The following NFYC variants were observed in gnomAD, a reference collection of about 807,000 sequenced individuals.
The protein encoded by NFYC is nuclear transcription factor Y subunit gamma, also known as CAAT box DNA-binding protein subunit C.
A neutral mutation model predicts 53.1 loss-of-function variants in NFYC; 25 were observed. The ratio of observed to expected loss-of-function variants is 0.47; its 90% confidence interval spans 0.34 to 0.66. The LOEUF is 0.66. Among genes scored for constraint, NFYC ranks in the 30% least tolerant of loss-of-function variants. The probability of loss-of-function intolerance (pLI) is 0.01; values close to 1 mark genes in which losing one functional copy is unlikely to be tolerated. For missense variants in NFYC, 260 were observed against 422.7 expected, an observed-to-expected ratio of 0.62 and a Z score of 3.38; for synonymous variants, 145 against 152.6, an observed-to-expected ratio of 0.95 and a Z score of 0.37.
At position 40,763,011 on chromosome 1, in the gene NFYC, A is replaced by T; in HGVS notation, c.685A>T (p.Ile229Phe). The stretch of plus-strand genomic sequence containing the variant: ...ACAGACCATGCAGGTGATGCAGCAG[A>T]TCATCACTAACACAGGAGAGATCCA... ...TGQTMQVMQQ[I>F]ITNTGEIQQI... The change falls in exon 7 of 10, where the codon ATC (isoleucine) becomes TTC (phenylalanine). Residue 229 changes from isoleucine to phenylalanine, a missense_variant. Ile to Phe is a conservative substitution (Grantham distance 21). Transcript: ENST00000447388. The T allele has an allele frequency of 1.9e-6, 3 of 1,610,454 alleles. No homozygotes were observed. The highest frequency in any genetic ancestry group is 2.5e-6 in the Non-Finnish European group (3 of 1,177,956).
At chr1:40,734,558 A>G (rs1429186874) in intron 1 of NFYC, among the ~76,000 whole-genome samples, 4 of 151,722 alleles carry the variant, frequency 2.6e-5, no homozygotes, top group African/African-American at 9.7e-5. Context: ...ATGAGGTTTC[A>G]CCATGTTGGC....
At chr1:40,710,806 TC>T (rs1403613569) in intron 1 of NFYC, among the ~76,000 whole-genome samples, 1 of 152,202 alleles carries the variant, frequency 6.6e-6, no homozygotes, top group African/African-American at 2.4e-5. Flanking sequence ...AAGTCAAAGT[TC>T]CTGGATGCAG....
chr1:40,696,435 G>A (rs1643149511), intron 1 of NFYC, among the ~76,000 whole-genome samples: 2 of 152,212 alleles, frequency 1.3e-5, no homozygotes, highest in South Asian at 4.1e-4. Context: ...CTTAGCTCAG[G>A]AAGCGAACTT....
chr1:40,731,674 T>G (rs539223455), intron 1 of NFYC, among the ~76,000 whole-genome samples: 2 of 150,958 alleles, frequency 1.3e-5, no homozygotes, highest in Non-Finnish European at 3.0e-5. Context: ...TTAGTAGAGA[T>G]GGGGTTTCAC....
chr1:40,761,935 C>T (rs1646568434), intron 6 of NFYC, among the ~76,000 whole-genome samples: 1 of 152,072 alleles, frequency 6.6e-6, no homozygotes, highest in Non-Finnish European at 1.5e-5. Context: ...CCGCCACCCC[C>T]CATCACTACC....
At position 40,770,285 on chromosome 1, in the gene NFYC, G is replaced by A; in HGVS notation, c.889-424G>A. 3 of 1,001,142 alleles carry A rather than the reference G, an allele frequency of 3.0e-6. No individual in the cohort carries two copies. Among genetic ancestry groups the A allele is most frequent in the South Asian group, 3.4e-5 (2 of 59,164 alleles). 62.0% of individuals were successfully genotyped at this position (1,001,142 alleles called of 1,614,324 possible). On this transcript the variant is annotated intron_variant, in intron 9 of 9. Coordinates refer to ENST00000447388, the MANE Select transcript of NFYC (RefSeq NM_014223.5). This position sits in a 1 kb window ranked among gnomAD's most constrained non-coding sequence, Gnocchi z 5.3. Reference sequence around the variant, plus strand: ...GAGCCAGATATTCTGAGAAAAGAAGGAGAGGAGGGGGTAATCCTACTGCCC... The same window carrying A: ...GAGCCAGATATTCTGAGAAAAGAAGAAGAGGAGGGGGTAATCCTACTGCCC...
intron 6 of NFYC, 111 bp from the exon 7 acceptor site, chr1:40,762,777 G>C: frequency 1.0e-6 from 1 of 977,804 alleles, no homozygotes; most frequent in Non-Finnish European, 1.4e-6. Context: ...ATGACCTTAG[G>C]CATTCATGGA....
intron 9 of NFYC, 31 bp downstream of exon 9, chr1:40,769,446 G>A (rs1348054718): frequency 6.2e-7 from 1 of 1,607,718 alleles, no homozygotes; most frequent in Non-Finnish European, 8.5e-7. Flanking sequence ...TGGGCAGAGG[G>A]TGAGGATTTG....
chr1:40,747,419 C>A, intron 2 of NFYC, 115 bp from the exon 3 acceptor site: 1 of 669,296 alleles, frequency 1.5e-6, no homozygotes, highest in East Asian at 2.8e-5. Flanking sequence ...CCTTCTCTCC[C>A]GACATACGCT....
chr1:40,771,013 T>C lies in NFYC; in HGVS notation c.*185T>C, dbSNP rs1647060955. ...CTCCAGCAGAAAGATGCAATATTTT[T>C]TGTTTCCTTTTTTTCCATTTTTTTC... is the stretch of plus-strand genomic sequence containing the variant. On this transcript the variant is annotated 3_prime_UTR_variant, in exon 10 of 10. Transcript: ENST00000447388. The C allele has an allele frequency of 3.2e-6, 2 of 623,872 alleles. No homozygotes were observed. Among genetic ancestry groups the C allele is most frequent in the Non-Finnish European group, 5.5e-6 (2 of 361,648 alleles). 38.6% of individuals were successfully genotyped at this position (623,872 alleles called of 1,614,324 possible). A position where few individuals can be genotyped will look rare whatever the true frequency, so the allele number is the denominator to read the frequency against.
At position 40,754,833 on chromosome 1, in the gene NFYC, C is replaced by T. The variant is rs140866706; in HGVS notation, c.387+1587C>T. The stretch of plus-strand genomic sequence containing the variant: ...TCGGGGTGTCATACAGCTCCTTATT[C>T]CATCTTAGCCAGACTCAAAATGCTA... On this transcript the variant is annotated intron_variant, in intron 5 of 9. Transcript: ENST00000447388. Among the ~76,000 whole-genome samples the T allele has an allele frequency of 6.2e-4, 95 of 152,208 alleles. 2 individuals carry two copies. In the East Asian group the frequency reaches 0.01, roughly 17 times the overall value.
At chr1:40,705,540 C>T (rs1643655119) in intron 1 of NFYC, among the ~76,000 whole-genome samples, 1 of 152,194 alleles carries the variant, frequency 6.6e-6, no homozygotes, top group Admixed American at 6.5e-5. Flanking sequence ...CTCACAACCC[C>T]TTCAAATTTT....
At chr1:40,705,415 T>C (rs917270394) in intron 1 of NFYC, among the ~76,000 whole-genome samples, 1 of 151,808 alleles carries the variant, frequency 6.6e-6, no homozygotes, top group African/African-American at 2.4e-5. Context: ...CTTCCCAGGA[T>C]GGGAGTAGCT....
intron 1 of NFYC, among the ~76,000 whole-genome samples, chr1:40,721,200 G>A (rs1466891498): frequency 6.6e-6 from 1 of 152,196 alleles, no homozygotes; most frequent in African/African-American, 2.4e-5. Flanking sequence ...TGTAGACAGT[G>A]TTTAATTTCT....
At chr1:40,733,012 C>CT (rs1013290670) in intron 1 of NFYC, among the ~76,000 whole-genome samples, 1 of 75,706 alleles carries the variant, frequency 1.3e-5, no homozygotes, top group African/African-American at 4.4e-5. Flanking sequence ...AGATTCGCCC[C>CT]CCCCCCCTTT....
At chr1:40,767,294 G>T in intron 8 of NFYC, 1 of 338,820 alleles carries the variant, frequency 3.0e-6, no homozygotes, top group Non-Finnish European at 5.7e-6. Flanking sequence ...CATTGTTAAT[G>T]GATTCTTTTG....
rs765246689 is a variant in NFYC at position 40,691,765 on chromosome 1, A to G, written c.-111A>G. 6.2e-5 allele frequency: 28 copies of G among 455,078 alleles called. No homozygotes were observed. Among genetic ancestry groups the G allele is most frequent in the South Asian group, 3.6e-4 (23 of 64,380 alleles). 28.2% of individuals were successfully genotyped at this position (455,078 alleles called of 1,614,324 possible). A position where few individuals can be genotyped will look rare whatever the true frequency, so the allele number is the denominator to read the frequency against. On this transcript the variant is annotated 5_prime_UTR_variant, in exon 1 of 10. Transcript: ENST00000447388. ...CTTCGCGCGCGCTCCGTTCTCCGTG[A>G]CGCACACTTCCCCCTCCCCTCCGCC...
rs1031531434 is a variant in NFYC at position 40,771,368 on chromosome 1, G to A, written c.*540G>A. 2.1e-6 allele frequency: 1 copy of A among 466,566 alleles called. No individual in the cohort carries two copies. Among genetic ancestry groups the A allele is most frequent in the African/African-American group, 2.0e-5 (1 of 49,968 alleles). The allele number at this position is 466,566 out of a possible 1,614,324, so 28.9% of individuals were successfully genotyped here. A position where few individuals can be genotyped will look rare whatever the true frequency, so the allele number is the denominator to read the frequency against. On this transcript the variant is annotated 3_prime_UTR_variant, in exon 10 of 10. Coordinates refer to ENST00000447388, the MANE Select transcript of NFYC (RefSeq NM_014223.5). ...CCTTGCTCTGACCCCAGAGCTCTGT[G>A]TATTTGCATCCAGAGGCCATGGAAA... is the stretch of plus-strand genomic sequence containing the variant.
At chr1:40,737,799 A>G (rs1645118854) in intron 1 of NFYC, among the ~76,000 whole-genome samples, 1 of 152,102 alleles carries the variant, frequency 6.6e-6, no homozygotes. Context: ...GTCCTTTGAG[A>G]CAGATTTGTC....
Sources: allele counts gnomAD v4.1 joint callset (sites outside exome capture counted in the v4.1 genomes callset), GRCh38; gene constraint gnomAD v4.1.1; non-coding constraint Gnocchi (gnomAD v3.1); transcripts MANE v1.5; gene names NCBI Gene and HGNC (gene_info 2026-07-23, HGNC 2026-07-21).